GPC6: variants seen among roughly 807,000 people sequenced by gnomAD.
GPC6 encodes glypican-6.
Under a neutral mutation model 55.2 loss-of-function variants are expected in GPC6, and 14 were observed. That is an observed-to-expected ratio of 0.25 (90% CI 0.17 to 0.40). The LOEUF is 0.40. GPC6 is among the 10% of genes least tolerant of loss of function. GPC6 has a pLI of 1.00. For synonymous variants in GPC6, 278 were observed against 259.6 expected (o/e 1.07, Z -0.68); for missense variants, 641 against 708.5 (o/e 0.90, Z 1.08).
At chr13:94,346,693 C>T (rs1182712630) in intron 6 of GPC6, among the ~76,000 whole-genome samples, 1 of 150,412 alleles carries the variant, frequency 6.6e-6, no homozygotes, top group Non-Finnish European at 1.5e-5. Flanking sequence ...TGCACTCCGG[C>T]CCGGGCAACA....
chr13:93,486,579 A>G (rs548925140), intron 1 of GPC6, among the ~76,000 whole-genome samples: 56 of 152,320 alleles, frequency 3.7e-4, no homozygotes, highest in African/African-American at 1.1e-3. Flanking sequence ...AGGAAAAACA[A>G]TATGCAGTGA....
At chr13:93,874,650 C>T (rs1297384468) in intron 3 of GPC6, among the ~76,000 whole-genome samples, 4 of 150,538 alleles carry the variant, frequency 2.7e-5, no homozygotes, top group East Asian at 2.0e-4. Context: ...CAGTCATGAC[C>T]GTGTCTGTCC....
intron 1 of GPC6, among the ~76,000 whole-genome samples, chr13:93,389,749 T>C (rs920394929): frequency 2.0e-5 from 3 of 152,046 alleles, no homozygotes; most frequent in Non-Finnish European, 4.4e-5. Flanking sequence ...CATGGAATCA[T>C]GTTACATTTA....
chr13:94,023,078 T>A (rs1299421832), intron 3 of GPC6, among the ~76,000 whole-genome samples: 5 of 151,532 alleles, frequency 3.3e-5, no homozygotes, highest in African/African-American at 7.3e-5. Context: ...ACTAAAAAAA[T>A]AATCTCAGCT....
At chr13:93,974,377 A>G (rs1387054513) in intron 3 of GPC6, among the ~76,000 whole-genome samples, 3 of 152,224 alleles carry the variant, frequency 2.0e-5, no homozygotes, top group Admixed American at 1.3e-4. Context: ...AAATGCAGAA[A>G]TGATGATTTT....
rs146153158 is a variant in GPC6, at chr13:93,821,933, C to T, written c.320-8221C>T. 2.0e-3 allele frequency among the ~76,000 whole-genome samples: 309 copies of T among 152,002 alleles called. 1 individual carries two copies. Among genetic ancestry groups the T allele is most frequent in the African/African-American group, 7.2e-3 (299 of 41,470 alleles). On this transcript the variant is annotated intron_variant, in intron 2 of 8. Transcript: ENST00000377047. ...TGAATTATATATTTAAGCATATTAT[C>T]TAACATGAAAATATGATTTCTATGT... is the stretch of plus-strand genomic sequence containing the variant.
rs114865805 is a variant in GPC6, at chr13:93,996,178, C to T, written c.712-31551C>T. On this transcript the variant is annotated intron_variant, in intron 3 of 8. Transcript: ENST00000377047. ...ACAAGTGAATAGTTTACCATTAAAA[C>T]TGTAATTTCCTTTAAAAATTTTTGG... Among the ~76,000 whole-genome samples the T allele has an allele frequency of 6.5e-3, 990 of 152,292 alleles. 14 individuals carry two copies. Among genetic ancestry groups the T allele is most frequent in the African/African-American group, 0.023 (948 of 41,582 alleles).
At chr13:94,147,666 G>A (rs1412942) in intron 4 of GPC6, among the ~76,000 whole-genome samples, 2 of 152,096 alleles carry the variant, frequency 1.3e-5, no homozygotes, top group African/African-American at 4.8e-5. Flanking sequence ...CTTACCCTGA[G>A]GCCCTGGCTC....
intron 3 of GPC6, among the ~76,000 whole-genome samples, chr13:93,863,164 T>C (rs1032577000): frequency 2.0e-5 from 3 of 151,748 alleles, no homozygotes; most frequent in African/African-American, 4.8e-5. Flanking sequence ...AATTAATTTA[T>C]TGTAGACTCT....
intron 2 of GPC6, among the ~76,000 whole-genome samples, chr13:93,709,371 C>T (rs1882972923): frequency 6.6e-6 from 1 of 151,764 alleles, no homozygotes; most frequent in African/African-American, 2.4e-5. Flanking sequence ...AGATTGAGAA[C>T]ATCTGGTTAA....
At chr13:93,481,732 C>T (rs1329511194) in intron 1 of GPC6, among the ~76,000 whole-genome samples, 1 of 152,008 alleles carries the variant, frequency 6.6e-6, no homozygotes, top group Non-Finnish European at 1.5e-5. Flanking sequence ...CACCCTTAGC[C>T]ATACGGACAA....
rs1480666734 is a variant in GPC6 at position 93,650,484 on chromosome 13, CAAAGCTGCGAACTGAAAAAA to C, written c.319+105066_319+105085del. ...CCCCAAAGGAATGGAAAAAAAAAGT[CAAAGCTGCGAACTGAAAAAA>C]AATACTGCCTTTCTAACACACTGGG... On this transcript the variant is annotated intron_variant, in intron 2 of 8. Coordinates refer to ENST00000377047, the MANE Select transcript of GPC6 (RefSeq NM_005708.5). Among the ~76,000 whole-genome samples the C allele has an allele frequency of 1.8e-4, 15 of 85,368 alleles. No homozygotes were observed. In the East Asian group the frequency reaches 9.8e-3, roughly 56 times the overall value. 56.0% of individuals were successfully genotyped at this position (85,368 alleles called of 152,430 possible).
At chr13:93,815,734 C>A (rs1189901933) in intron 2 of GPC6, among the ~76,000 whole-genome samples, 1 of 152,122 alleles carries the variant, frequency 6.6e-6, no homozygotes, top group African/African-American at 2.4e-5. Flanking sequence ...CACAATAATA[C>A]TTTGTCTCAT....
chr13:93,670,468 A>G (rs1881316247), intron 2 of GPC6, among the ~76,000 whole-genome samples: 1 of 152,220 alleles, frequency 6.6e-6, no homozygotes, highest in Non-Finnish European at 1.5e-5. Flanking sequence ...TGGCATCATA[A>G]TGTATACACA....
intron 1 of GPC6, among the ~76,000 whole-genome samples, chr13:93,386,431 C>T (rs1282613727): frequency 6.6e-6 from 1 of 152,106 alleles, no homozygotes; most frequent in Non-Finnish European, 1.5e-5. Flanking sequence ...GCATGGCCCA[C>T]GGGAACCAAT....
intron 3 of GPC6, among the ~76,000 whole-genome samples, chr13:93,912,550 T>G (rs191062079): frequency 6.6e-6 from 1 of 152,080 alleles, no homozygotes; most frequent in African/African-American, 2.4e-5. Context: ...GAGACCATCC[T>G]GGCTAACACG....
intron 7 of GPC6, among the ~76,000 whole-genome samples, chr13:94,391,210 T>C (rs186025678): frequency 2.0e-4 from 30 of 152,312 alleles, no homozygotes; most frequent in Non-Finnish European, 3.5e-4. Flanking sequence ...TGAACATGAA[T>C]TCAGGCTTTA....
intron 1 of GPC6, among the ~76,000 whole-genome samples, chr13:93,325,828 G>A (rs900637363): frequency 6.6e-6 from 1 of 152,136 alleles, no homozygotes; most frequent in Non-Finnish European, 1.5e-5. Context: ...TGTACTGATA[G>A]GAGATGAAAT....
At chr13:93,945,151 A>G (rs1878943535) in intron 3 of GPC6, among the ~76,000 whole-genome samples, 1 of 152,186 alleles carries the variant, frequency 6.6e-6, no homozygotes, top group Non-Finnish European at 1.5e-5. Flanking sequence ...AAAAGAAAGT[A>G]TGCATATATG....
Sources: allele counts gnomAD v4.1 joint callset (sites outside exome capture counted in the v4.1 genomes callset), GRCh38; gene constraint gnomAD v4.1.1; transcripts MANE v1.5; gene names NCBI Gene and HGNC (gene_info 2026-07-23, HGNC 2026-07-21).